Variants in ADK observed in about 807,000 individuals in gnomAD.
The protein encoded by ADK is adenosine kinase.
Under a neutral mutation model 44.7 loss-of-function variants are expected in ADK, and 24 were observed. The observed-to-expected ratio is 0.54, with a 90% CI of 0.39 to 0.76. ADK has a LOEUF of 0.76. ADK is among the 30% of genes least tolerant of loss of function. ADK has a pLI of 0.00. For synonymous variants in ADK, 128 were observed against 142.6 expected, an observed-to-expected ratio of 0.90 and a Z score of 0.73; for missense variants, 321 against 425.1, an observed-to-expected ratio of 0.76 and a Z score of 2.15.
chr10:74,424,353 G>T (rs1415832126), intron 6 of ADK, among the ~76,000 whole-genome samples: 1 of 151,770 alleles, frequency 6.6e-6, no homozygotes, highest in Non-Finnish European at 1.5e-5. Flanking sequence ...TGACCAACAT[G>T]GAGAAACCCT....
chr10:74,452,016 A>T (rs965028330), intron 6 of ADK, among the ~76,000 whole-genome samples: 5 of 150,954 alleles, frequency 3.3e-5, no homozygotes, highest in Non-Finnish European at 7.4e-5. Flanking sequence ...ACAAACTATA[A>T]CTTCTCGGTG....
chr10:74,326,435 A>G (rs1349440126), intron 4 of ADK, among the ~76,000 whole-genome samples: 7 of 150,624 alleles, frequency 4.6e-5, no homozygotes, highest in Admixed American at 4.6e-4. Flanking sequence ...TTTCTACAAA[A>G]AAAAAAAAAA....
At chr10:74,656,085 C>A (rs1854478308) in intron 9 of ADK, 1 of 413,998 alleles carries the variant, frequency 2.4e-6, no homozygotes, top group African/African-American at 2.1e-5. Flanking sequence ...GAAGCACAAA[C>A]TTCTGTGTTC....
At chr10:74,548,712 C>G (rs1469835442) in intron 7 of ADK, among the ~76,000 whole-genome samples, 1 of 152,174 alleles carries the variant, frequency 6.6e-6, no homozygotes, top group East Asian at 1.9e-4. Flanking sequence ...GTGAAATAGT[C>G]TCCATAAAGA....
chr10:74,292,576 C>G (rs537933487), intron 3 of ADK, among the ~76,000 whole-genome samples: 1 of 152,254 alleles, frequency 6.6e-6, no homozygotes, highest in Non-Finnish European at 1.5e-5. Context: ...AATCTTTCCT[C>G]TAAAACCTGT....
chr10:74,176,760 C>G, intron 1 of ADK: 1 of 1,557,706 alleles, frequency 6.4e-7, no homozygotes, highest in Non-Finnish European at 8.6e-7. Flanking sequence ...AGGACGCGCT[C>G]CCAGTCGCTG....
chr10:74,358,782 C>A (rs10509347), intron 4 of ADK, among the ~76,000 whole-genome samples: 73,696 of 152,108 alleles, frequency 0.48, 20,258 homozygotes, highest in Non-Finnish European at 0.62. Flanking sequence ...GCAGATGAAT[C>A]GAACATAGTT....
intron 6 of ADK, among the ~76,000 whole-genome samples, chr10:74,504,552 T>C (rs1847981418): frequency 6.6e-6 from 1 of 152,224 alleles, no homozygotes; most frequent in Non-Finnish European, 1.5e-5. Context: ...TGTATTTTTG[T>C]AACACAGTAA....
intron 7 of ADK, among the ~76,000 whole-genome samples, chr10:74,560,604 C>A (rs927694967): frequency 6.6e-6 from 1 of 152,122 alleles, no homozygotes; most frequent in Non-Finnish European, 1.5e-5. Context: ...ACAGTTTGTT[C>A]CTTCCTAAAA....
intron 7 of ADK, among the ~76,000 whole-genome samples, chr10:74,574,541 C>T (rs1851115494): frequency 6.6e-6 from 1 of 152,140 alleles, no homozygotes; most frequent in African/African-American, 2.4e-5. Flanking sequence ...CTTTGATATC[C>T]AGTATCTACC....
intron 10 of ADK, among the ~76,000 whole-genome samples, chr10:74,691,878 G>A (rs1333000827): frequency 6.6e-6 from 1 of 152,138 alleles, no homozygotes; most frequent in Non-Finnish European, 1.5e-5. Context: ...CCTATGGGGT[G>A]AGGATGTGTA....
intron 4 of ADK, among the ~76,000 whole-genome samples, chr10:74,379,021 A>G (rs1298358756): frequency 6.6e-6 from 1 of 152,136 alleles, no homozygotes; most frequent in East Asian, 1.9e-4. Context: ...AATAGTAGAC[A>G]ATGGAGTTAG....
intron 3 of ADK, among the ~76,000 whole-genome samples, chr10:74,225,243 A>G (rs1018435501): frequency 1.3e-5 from 2 of 151,886 alleles, no homozygotes; most frequent in Admixed American, 1.3e-4. Flanking sequence ...ATGCCTGGCT[A>G]AATTTTGTAT....
At chr10:74,197,115 G>A (rs986023476) in intron 1 of ADK, among the ~76,000 whole-genome samples, 4 of 152,134 alleles carry the variant, frequency 2.6e-5, no homozygotes, top group Non-Finnish European at 4.4e-5. Context: ...TTACATGCCA[G>A]TCTCTGAACT....
intron 3 of ADK, among the ~76,000 whole-genome samples, chr10:74,256,661 C>G (rs1845835866): frequency 1.3e-5 from 2 of 152,138 alleles, no homozygotes; most frequent in African/African-American, 4.8e-5. Context: ...ATGGTGATTG[C>G]TCCATCATCT....
intron 2 of ADK, among the ~76,000 whole-genome samples, chr10:74,201,321 G>A (rs1843371697): frequency 6.6e-6 from 1 of 152,130 alleles, no homozygotes; most frequent in Non-Finnish European, 1.5e-5. Context: ...AACTTCCAAT[G>A]TTTCAACTTA....
At chr10:74,227,250 A>G (rs2132253161) in intron 3 of ADK, among the ~76,000 whole-genome samples, 1 of 152,348 alleles carries the variant, frequency 6.6e-6, no homozygotes, top group African/African-American at 2.4e-5. Flanking sequence ...TTCTCATAAA[A>G]CATTATTACA....
chr10:74,287,132 A>G (rs1847196370), intron 3 of ADK, among the ~76,000 whole-genome samples: 1 of 152,174 alleles, frequency 6.6e-6, no homozygotes, highest in Non-Finnish European at 1.5e-5. Flanking sequence ...TACAAGAATT[A>G]TGAACATATA....
chr10:74,371,572 A>G, intron 4 of ADK: 1 of 1,209,544 alleles, frequency 8.3e-7, no homozygotes, highest in Non-Finnish European at 1.2e-6. Flanking sequence ...ATGAAGGAGG[A>G]GGATGTCCTT....
Sources: allele counts gnomAD v4.1 joint callset (sites outside exome capture counted in the v4.1 genomes callset), GRCh38; gene constraint gnomAD v4.1.1; transcripts MANE v1.5; gene names NCBI Gene and HGNC (gene_info 2026-07-23, HGNC 2026-07-21).